SUSD4: variants seen among roughly 807,000 people sequenced by gnomAD.
SUSD4 encodes sushi domain-containing protein 4.
A neutral mutation model predicts 50.5 loss-of-function variants in SUSD4; 41 were observed. That is an observed-to-expected ratio of 0.81 (90% CI 0.63 to 1.05). The LOEUF (loss-of-function observed/expected upper bound fraction) is 1.05. SUSD4 is among the 50% of genes least tolerant of loss of function. The pLI, the probability that SUSD4 is intolerant of heterozygous loss-of-function variation, is 0.00. For synonymous variants in SUSD4, 257 were observed against 257.3 expected (o/e 1.00, Z 0.01); for missense variants, 580 against 634.7 (o/e 0.91, Z 0.93).
intron 3 of SUSD4, among the ~76,000 whole-genome samples, chr1:223,276,222 C>T (rs1297800283): frequency 1.3e-5 from 2 of 152,230 alleles, no homozygotes; most frequent in African/African-American, 4.8e-5. Flanking sequence ...TTCAGGGTTG[C>T]TAACAGTCAC....
rs779951886 is a variant in SUSD4 at position 223,223,484 on chromosome 1, G to A, written c.1209C>T (p.Pro403=). The A allele has an allele frequency of 3.1e-6, 5 of 1,613,710 alleles. No homozygotes were observed. The highest frequency in any genetic ancestry group is 2.5e-6 in the Non-Finnish European group (3 of 1,179,882). Residue 403 remains proline, a synonymous_variant, in exon 8 of 9, where the codon CCC becomes CCT. Coordinates refer to ENST00000366878, the MANE Select transcript of SUSD4 (RefSeq NM_017982.4). ...GGGGGCTCTGGTCGTCCACGGGTAAGGGGCAGCCCTGGCCCACAGAGGCCA... is the reference window on the plus strand; with the variant it reads ...GGGGGCTCTGGTCGTCCACGGGTAAAGGGCAGCCCTGGCCCACAGAGGCCA... ...GYMASVGQGC[P]LPVDDQSPPA...
chr1:223,247,101 C>A (rs572584962), intron 5 of SUSD4, among the ~76,000 whole-genome samples: 28 of 152,160 alleles, frequency 1.8e-4, no homozygotes, highest in Non-Finnish European at 4.0e-4. Flanking sequence ...TACAGCCCCC[C>A]GGGTGTTCTT....
At chr1:223,289,294 C>T (rs768806664) in intron 3 of SUSD4, 7 of 985,434 alleles carry the variant, frequency 7.1e-6, no homozygotes, top group Non-Finnish European at 8.4e-6. Flanking sequence ...GAAGCACAGA[C>T]ATCTCTGAGG....
At chr1:223,304,793 CATATATATATATAT>C (rs57599818) in intron 2 of SUSD4, among the ~76,000 whole-genome samples, 59 of 53,552 alleles carry the variant, frequency 1.1e-3, no homozygotes, top group Admixed American at 2.3e-3. Flanking sequence ...CTCAGGTTTC[CATATATATATATAT>C]ATATATATAT....
chr1:223,235,049 A>G, intron 5 of SUSD4: 2 of 1,611,098 alleles, frequency 1.2e-6, no homozygotes, highest in South Asian at 1.1e-5. Context: ...AGCAGCTGCC[A>G]ACCTGATGTG....
chr1:223,249,240 G>C (rs1023754640), intron 5 of SUSD4, among the ~76,000 whole-genome samples: 6 of 152,134 alleles, frequency 3.9e-5, no homozygotes, highest in African/African-American at 1.4e-4. Flanking sequence ...GAAATCAGGG[G>C]CACAAGATTA....
chr1:223,286,050 A>G (rs1664114607), intron 3 of SUSD4, among the ~76,000 whole-genome samples: 1 of 152,208 alleles, frequency 6.6e-6, no homozygotes, highest in South Asian at 2.1e-4. Flanking sequence ...GTGAATATCC[A>G]TGGGCAAAGG....
In SUSD4 at chr1:223,229,051, T is replaced by G. The variant is rs1571834114; in HGVS notation, c.916+146A>C. On this transcript the variant is annotated intron_variant, in intron 6 of 8. Transcript: ENST00000366878. The surrounding 1 kb of genome is among the most constrained non-coding windows in gnomAD (Gnocchi z 4.7). The stretch of plus-strand genomic sequence containing the variant: ...GGCACAGAGCCCAACAGCAGCCCCA[T>G]CGACCCGCAATGATATGTTTCGATA... 4.9e-6 allele frequency: 4 copies of G among 812,284 alleles called. No homozygotes were observed. The East Asian group carries it at 1.0e-4, about 21-fold the overall frequency. 50.3% of individuals were successfully genotyped at this position (812,284 alleles called of 1,614,324 possible).
At chr1:223,336,111 G>A (rs998873110) in intron 2 of SUSD4, among the ~76,000 whole-genome samples, 2 of 151,982 alleles carry the variant, frequency 1.3e-5, no homozygotes, top group African/African-American at 4.8e-5. Flanking sequence ...GCGCCACCAC[G>A]CCCAGCTAAT....
At chr1:223,258,180 G>A (rs1016671301) in intron 5 of SUSD4, among the ~76,000 whole-genome samples, 13 of 152,266 alleles carry the variant, frequency 8.5e-5, no homozygotes, top group African/African-American at 2.6e-4. Context: ...CACTTCAGGC[G>A]CCTCTTATAC....
intron 2 of SUSD4, among the ~76,000 whole-genome samples, chr1:223,345,617 T>C (rs1667988216): frequency 6.6e-6 from 1 of 152,240 alleles, no homozygotes; most frequent in Non-Finnish European, 1.5e-5. Context: ...AGATGGTTCC[T>C]ACATCACATT....
rs1303794208 is a variant in SUSD4 at position 223,231,431 on chromosome 1, C to T, written c.725-2043G>A. Among the ~76,000 whole-genome samples the T allele has an allele frequency of 6.6e-6, 1 of 152,174 alleles. No individual in the cohort carries two copies. Among genetic ancestry groups the T allele is most frequent in the African/African-American group, 2.4e-5 (1 of 41,438 alleles). ...TCCCACAGGTGGACACTGGCAGAGACAGGCTTTGAGCTCTGACTCTGAGGC... is the reference window on the plus strand; with the variant it reads ...TCCCACAGGTGGACACTGGCAGAGATAGGCTTTGAGCTCTGACTCTGAGGC... On this transcript the variant is annotated intron_variant, in intron 5 of 8. Coordinates refer to ENST00000366878, the MANE Select transcript of SUSD4 (RefSeq NM_017982.4). The surrounding 1 kb of genome is among the most constrained non-coding windows in gnomAD (Gnocchi z 4.2).
At chr1:223,292,055 A>G (rs1301939890) in intron 3 of SUSD4, among the ~76,000 whole-genome samples, 1 of 152,200 alleles carries the variant, frequency 6.6e-6, no homozygotes, top group Non-Finnish European at 1.5e-5. Flanking sequence ...TGAGTAATGC[A>G]CATCTTCTGT....
chr1:223,252,131 A>G (rs1661356151), intron 5 of SUSD4, among the ~76,000 whole-genome samples: 1 of 150,116 alleles, frequency 6.7e-6, no homozygotes, highest in Admixed American at 6.6e-5. Context: ...CGACGAGTTA[A>G]TGGGTGCAGC....
chr1:223,221,295 C>T lies in SUSD4; in HGVS notation c.*897G>A. On this transcript the variant is annotated 3_prime_UTR_variant, in exon 9 of 9. Coordinates refer to ENST00000366878, the MANE Select transcript of SUSD4 (RefSeq NM_017982.4). Reference sequence around the variant, plus strand: ...CTGGGGGAACAATGACAATTGTCAACTAGAGAGAGGCTCATGATTCTGAGA... The same window carrying T: ...CTGGGGGAACAATGACAATTGTCAATTAGAGAGAGGCTCATGATTCTGAGA... The T allele has an allele frequency of 2.5e-6, 1 of 394,480 alleles. No homozygotes were observed. The highest frequency in any genetic ancestry group is 4.4e-5 in the Admixed American group (1 of 22,624). The allele number at this position is 394,480 out of a possible 1,614,324, so 24.4% of individuals were successfully genotyped here.
chr1:223,323,813 T>A (rs917875843), intron 2 of SUSD4, among the ~76,000 whole-genome samples: 1 of 152,010 alleles, frequency 6.6e-6, no homozygotes, highest in Non-Finnish European at 1.5e-5. Flanking sequence ...ACATCGAGGC[T>A]TCCTCTACTC....
At chr1:223,244,394 C>T (rs1379355478) in intron 5 of SUSD4, among the ~76,000 whole-genome samples, 1 of 152,048 alleles carries the variant, frequency 6.6e-6, no homozygotes, top group Non-Finnish European at 1.5e-5. Flanking sequence ...AAGAGGAGGC[C>T]AGGAAAAGGG....
At chr1:223,344,523 A>G (rs1015022184) in intron 2 of SUSD4, among the ~76,000 whole-genome samples, 18 of 152,136 alleles carry the variant, frequency 1.2e-4, no homozygotes, top group African/African-American at 4.1e-4. Context: ...CACTTAATGC[A>G]CTGAAGGAAT....
chr1:223,272,271 T>A (rs1180355772), intron 3 of SUSD4, among the ~76,000 whole-genome samples: 1 of 152,234 alleles, frequency 6.6e-6, no homozygotes, highest in East Asian at 1.9e-4. Flanking sequence ...GTATGAGGCA[T>A]AAATAGGCCA....
Sources: gnomAD v4.1 joint callset for allele counts (sites outside exome capture counted in the v4.1 genomes callset) on GRCh38, gnomAD v4.1.1 for gene constraint, Gnocchi (gnomAD v3.1) non-coding constraint, MANE v1.5 for transcripts, NCBI Gene and HGNC (gene_info 2026-07-23, HGNC 2026-07-21) for gene names.